CRB1: variants seen among roughly 807,000 people sequenced by gnomAD.
The protein encoded by CRB1 is crumbs cell polarity complex component 1, also known as protein crumbs homolog 1.
CRB1 carries 83 observed loss-of-function variants against 120.0 expected under a neutral mutation model. That is an observed-to-expected ratio of 0.69 (90% CI 0.58 to 0.83). CRB1 has a LOEUF of 0.83. Ranked by LOEUF, CRB1 falls within the 40% of genes least tolerant of loss-of-function variation. CRB1 has a pLI of 0.00. For synonymous variants in CRB1, 625 were observed against 612.5 expected (o/e 1.02, Z -0.30); for missense variants, 1,699 against 1,687.6 (o/e 1.01, Z -0.12).
At chr1:197,339,097 G>A (rs557371786) in intron 2 of CRB1, among the ~76,000 whole-genome samples, 2 of 152,202 alleles carry the variant, frequency 1.3e-5, no homozygotes, top group Non-Finnish European at 2.9e-5. Flanking sequence ...CTTAGGAAAG[G>A]TGTGTCTAAA....
chr1:197,445,956 G>A lies in CRB1; in HGVS notation c.4005+3664G>A, dbSNP rs964241287. ...TGTAATCCCAGCACTTTGGGAAGCC[G>A]AGGTGGGTGGATGACCTGCAGTCAG... On this transcript the variant is annotated intron_variant, in intron 11 of 11. Coordinates refer to ENST00000367400, the MANE Select transcript of CRB1 (RefSeq NM_201253.3). 2.6e-5 allele frequency among the ~76,000 whole-genome samples: 4 copies of A among 152,156 alleles called. No individual in the cohort carries two copies. In the East Asian group the frequency reaches 5.8e-4, roughly 22 times the overall value.
chr1:197,215,831 C>A, the CRB1 span, among the ~76,000 whole-genome samples: 4 of 152,174 alleles, frequency 2.6e-5, no homozygotes, highest in Non-Finnish European at 5.9e-5. Flanking sequence ...GAAGTTATTG[C>A]ATCTCAGAAC....
At chr1:197,223,013 T>A in the CRB1 span, 1 of 791,738 alleles carries the variant, frequency 1.3e-6, no homozygotes, top group Non-Finnish European at 2.3e-6. Context: ...TATTAAGTCA[T>A]TTGACACCTC....
intron 5 of CRB1, among the ~76,000 whole-genome samples, chr1:197,410,529 G>T (rs1365501987): frequency 1.3e-5 from 2 of 152,174 alleles, no homozygotes; most frequent in Non-Finnish European, 2.9e-5. Context: ...AAGCACCTAT[G>T]ACCTGGAACC....
At position 197,394,842 on chromosome 1, in the gene CRB1, A is replaced by T. The variant is rs1017469208; in HGVS notation, c.1172-26158A>T. Reference sequence around the variant, plus strand: ...AGCAGGGAGTCTAAACCATTCACAGAAATCCCATTTTATACCATAAGAGCA... The same window carrying T: ...AGCAGGGAGTCTAAACCATTCACAGTAATCCCATTTTATACCATAAGAGCA... On this transcript the variant is annotated intron_variant, in intron 5 of 11. Transcript: ENST00000367400. 5.9e-5 allele frequency among the ~76,000 whole-genome samples: 9 copies of T among 152,216 alleles called. No homozygotes were observed. The East Asian group carries it at 1.5e-3, about 26-fold the overall frequency.
Position 197,434,995 on chromosome 1 carries a change from A to C in CRB1, c.3132A>C (p.Pro1044=). Reference sequence around the variant, plus strand: ...AAGTGACCCTTTCCATGACAGACCCACTGTCCCAGACCTCCAGGTGGCAAA... The same window carrying C: ...AAGTGACCCTTTCCATGACAGACCCCCTGTCCCAGACCTCCAGGTGGCAAA... ...WHEVTLSMTD[P]LSQTSRWQME... The change falls in exon 9 of 12, where the codon CCA becomes CCC. Residue 1044 remains proline (P), a synonymous_variant. Coordinates refer to ENST00000367400, the MANE Select transcript of CRB1 (RefSeq NM_201253.3). The C allele has an allele frequency of 6.2e-7, 1 of 1,613,966 alleles. No homozygotes were observed. The highest frequency in any genetic ancestry group is 2.2e-5 in the East Asian group (1 of 44,870).
chr1:197,445,566 A>G (rs1275299755), intron 11 of CRB1, among the ~76,000 whole-genome samples: 1 of 152,188 alleles, frequency 6.6e-6, no homozygotes, highest in Non-Finnish European at 1.5e-5. Context: ...ATTCTTCACT[A>G]AATTTTCTTA....
intron 5 of CRB1, among the ~76,000 whole-genome samples, chr1:197,382,233 A>G (rs750140650): frequency 6.6e-6 from 1 of 152,224 alleles, no homozygotes; most frequent in Non-Finnish European, 1.5e-5. Context: ...AATATATTCA[A>G]AATGCCTAGA....
intron 11 of CRB1, among the ~76,000 whole-genome samples, chr1:197,467,727 G>T (rs2125557948): frequency 6.6e-6 from 1 of 152,252 alleles, no homozygotes; most frequent in East Asian, 1.9e-4. Context: ...GGGATATGAA[G>T]AAACTCCAAT....
At chr1:197,220,829 A>G in the CRB1 span, among the ~76,000 whole-genome samples, 1 of 152,128 alleles carries the variant, frequency 6.6e-6, no homozygotes, top group South Asian at 2.1e-4. Flanking sequence ...CTGCTCTGCC[A>G]TGTAAGACGT....
chr1:197,395,840 AC>A (rs1448369977), intron 5 of CRB1, among the ~76,000 whole-genome samples: 1 of 152,146 alleles, frequency 6.6e-6, no homozygotes, highest in Admixed American at 6.5e-5. Context: ...ATTAAAGGAA[AC>A]TTCCTCAGCC....
rs548986690 is a variant in CRB1, at chr1:197,268,606, T to G, written c.70+124T>G. On this transcript the variant is annotated intron_variant, in intron 1 of 11. Coordinates refer to ENST00000367400, the MANE Select transcript of CRB1 (RefSeq NM_201253.3). Reference sequence around the variant, plus strand: ...TGCTAAAAAAGGAAGTTTTTATTTGTTTTTTTTTTAAGTGTCCTGTGTTAA... The same window carrying G: ...TGCTAAAAAAGGAAGTTTTTATTTGGTTTTTTTTTAAGTGTCCTGTGTTAA... 9.0e-4 allele frequency: 576 copies of G among 639,148 alleles called. 4 individuals are homozygous for G. The highest frequency in any genetic ancestry group is 3.1e-4 in the Non-Finnish European group (117 of 378,778). The allele number at this position is 639,148 out of a possible 1,614,324, so 39.6% of individuals were successfully genotyped here. A position where few individuals can be genotyped will look rare whatever the true frequency, so the allele number is the denominator to read the frequency against.
chr1:197,219,791 G>C, the CRB1 span, among the ~76,000 whole-genome samples: 1 of 152,134 alleles, frequency 6.6e-6, no homozygotes, highest in Non-Finnish European at 1.5e-5. Context: ...CCCTCTCTCT[G>C]TGCTCCAGCC....
intron 11 of CRB1, among the ~76,000 whole-genome samples, chr1:197,452,657 G>A (rs1326781833): frequency 6.6e-6 from 1 of 152,140 alleles, no homozygotes; most frequent in African/African-American, 2.4e-5. Context: ...AACAAATAGG[G>A]ATCAGAGCAA....
intron 2 of CRB1, among the ~76,000 whole-genome samples, chr1:197,329,920 C>A (rs1418366009): frequency 3.3e-5 from 5 of 152,262 alleles, no homozygotes; most frequent in Non-Finnish European, 5.9e-5. Context: ...TTTGTACCTT[C>A]CTGAAAGCCT....
chr1:197,403,847 G>C (rs1428562669), intron 5 of CRB1, among the ~76,000 whole-genome samples: 1 of 152,098 alleles, frequency 6.6e-6, no homozygotes, highest in Non-Finnish European at 1.5e-5. Context: ...ACCAGACCTA[G>C]TGTTTGCTAA....
In CRB1 at chr1:197,442,281, T is replaced by G; in HGVS notation, c.3994T>G (p.Cys1332Gly). 1 of 1,614,218 alleles carries G rather than the reference T, an allele frequency of 6.2e-7. No homozygotes were observed. Among genetic ancestry groups the G allele is most frequent in the Non-Finnish European group, 8.5e-7 (1 of 1,180,036 alleles). Residue 1332 changes from cysteine (C) to glycine (G), a missense_variant, in exon 11 of 12, where the codon TGC (cysteine) becomes GGC (glycine). Cys to Gly is a radical substitution (Grantham distance 159). Coordinates refer to ENST00000367400, the MANE Select transcript of CRB1 (RefSeq NM_201253.3). ...LCDVAFAGER[C>G]EVDLADDLIS... The stretch of plus-strand genomic sequence containing the variant: ...TGATGTTGCCTTTGCTGGCGAGCGC[T>G]GCGAGGTGGACGTAAGCAGCCTCTC...
At chr1:197,256,948 TG>T in the CRB1 span, among the ~76,000 whole-genome samples, 1 of 151,506 alleles carries the variant, frequency 6.6e-6, no homozygotes, top group Non-Finnish European at 1.5e-5. Context: ...TGTGTGTGTG[TG>T]TGTGTGTGTG....
At chr1:197,424,794 G>A (rs1178584516) in intron 6 of CRB1, among the ~76,000 whole-genome samples, 2 of 152,072 alleles carry the variant, frequency 1.3e-5, no homozygotes, top group African/African-American at 4.8e-5. Flanking sequence ...TCATCTTGTT[G>A]TATTCCATCA....
Sources: gnomAD v4.1 joint callset for allele counts (sites outside exome capture counted in the v4.1 genomes callset) on GRCh38, gnomAD v4.1.1 for gene constraint, MANE v1.5 for transcripts, NCBI Gene and HGNC (gene_info 2026-07-23, HGNC 2026-07-21) for gene names.